The following PHF7 variants were observed in gnomAD, a reference collection of about 807,000 sequenced individuals.
PHF7 encodes the protein PHD finger protein 7.
In PHF7, 24 loss-of-function variants were observed where a neutral mutation model predicts 47.5. That is an observed-to-expected ratio of 0.51 (90% CI 0.37 to 0.71). The LOEUF (loss-of-function observed/expected upper bound fraction) is 0.71. PHF7 is among the 30% of genes least tolerant of loss of function. The probability of loss-of-function intolerance (pLI) is 0.00; values close to 1 mark genes in which losing one functional copy is unlikely to be tolerated. For synonymous variants in PHF7, 156 were observed against 153.8 expected (o/e 1.01, Z -0.11); for missense variants, 361 against 456.8 (o/e 0.79, Z 1.91).
At position 52,412,900 on chromosome 3, in the gene PHF7, G is replaced by C. The variant is rs752452077; in HGVS notation, c.21G>C (p.Lys7Asn). Residue 7 changes from lysine to asparagine, a missense_variant, in exon 2 of 11, where the codon AAG becomes AAC. By Grantham distance (94) the Lys-to-Asn change is moderately conservative (BLOSUM62 0). Transcript: ENST00000327906. MKTVKEKKECQRLRKSA... is the reference protein window; with the variant it reads MKTVKENKECQRLRKSA... ...ACCGAATGAAGACTGTAAAAGAAAA[G>C]AAGGAATGCCAGAGATTGAGGTAGA... 1.2e-6 allele frequency: 2 copies of C among 1,610,626 alleles called. No individual in the cohort carries two copies. The highest frequency in any genetic ancestry group is 1.7e-6 in the Non-Finnish European group (2 of 1,177,400).
chr3:52,420,427 A>G lies in PHF7; in HGVS notation c.405A>G (p.Gly135=). ...QERGCLSQFF[G]EYKSFCDKHR... ...GGGGTTGCCTTTCACAATTTTTTGG[A>G]GAGTACAAGTGAGTGAGGGAAGGGA... Residue 135 remains glycine (G), a synonymous_variant, in exon 6 of 11, where the codon GGA becomes GGG. Coordinates refer to ENST00000327906, the MANE Select transcript of PHF7 (RefSeq NM_016483.7). The G allele has an allele frequency of 1.2e-6, 2 of 1,614,108 alleles. No individual in the cohort carries two copies. Among genetic ancestry groups the G allele is most frequent in the Non-Finnish European group, 1.7e-6 (2 of 1,179,984 alleles).
Position 52,422,895 on chromosome 3 carries a change from G to GA in PHF7, c.919+15dup. ...CTGCAGCCACAGGTGAGGCTGGAGG[G>GA]ATGGGCCGGCCTCAGAGCAAGGAGG... On this transcript the variant is annotated intron_variant, in intron 10 of 10. Coordinates refer to ENST00000327906, the MANE Select transcript of PHF7 (RefSeq NM_016483.7). The GA allele has an allele frequency of 6.2e-7, 1 of 1,614,028 alleles. No homozygotes were observed. Among genetic ancestry groups the GA allele is most frequent in the African/African-American group, 1.3e-5 (1 of 75,044 alleles).
chr3:52,420,223 A>G (rs1260794727), intron 5 of PHF7, 88 bp from the exon 6 acceptor site: 1 of 1,462,544 alleles, frequency 6.8e-7, no homozygotes, highest in Non-Finnish European at 9.6e-7. Context: ...ATTATTTCAC[A>G]AAACTTCCAT....
At position 52,420,994 on chromosome 3, in the gene PHF7, C is replaced by G; in HGVS notation, c.505C>G (p.Gln169Glu). The stretch of plus-strand genomic sequence containing the variant: ...CATCTTATGTTGTGAAGACTTATCC[C>G]AACAGAGTGTTGAGAACATCCAGAG... ...SCILCCEDLS[Q>E]QSVENIQSPC... Residue 169 changes from glutamine to glutamate, a missense_variant, in exon 7 of 11, where the codon CAA becomes GAA. Coordinates refer to ENST00000327906, the MANE Select transcript of PHF7 (RefSeq NM_016483.7). 6.2e-7 allele frequency: 1 copy of G among 1,613,638 alleles called. No individual in the cohort carries two copies. The highest frequency in any genetic ancestry group is 8.5e-7 in the Non-Finnish European group (1 of 1,179,722).
rs948700026 is a variant in PHF7 at position 52,418,572 on chromosome 3, A to G, written c.187-1261A>G. Among the ~76,000 whole-genome samples the G allele has an allele frequency of 8.5e-5, 13 of 152,220 alleles. No homozygotes were observed. In the East Asian group the frequency reaches 2.5e-3, roughly 29 times the overall value. On this transcript the variant is annotated intron_variant, in intron 4 of 10. Coordinates refer to ENST00000327906, the MANE Select transcript of PHF7 (RefSeq NM_016483.7). ...CCCATAATACAGAACAACAACAATC[A>G]AGAGATATTAAAACCCTGTTTTTCT... is the stretch of plus-strand genomic sequence containing the variant.
rs879343587 is a variant in PHF7, at chr3:52,411,259, A to G, written c.-70+12A>G. ...ACTGAAGTTTCAAGGTTTTATGTCTATTGCTGGATGGTCGGGGTAGCCCCA... is the reference window on the plus strand; with the variant it reads ...ACTGAAGTTTCAAGGTTTTATGTCTGTTGCTGGATGGTCGGGGTAGCCCCA... On this transcript the variant is annotated intron_variant, in intron 1 of 10. Transcript: ENST00000327906. The G allele has an allele frequency of 2.6e-5, 4 of 152,248 alleles. No individual in the cohort carries two copies. Among genetic ancestry groups the G allele is most frequent in the Admixed American group, 6.5e-5 (1 of 15,284 alleles). 9.4% of individuals were successfully genotyped at this position (152,248 alleles called of 1,614,324 possible).
At chr3:52,412,391 T>A (rs1659971674) in intron 1 of PHF7, among the ~76,000 whole-genome samples, 1 of 152,230 alleles carries the variant, frequency 6.6e-6, no homozygotes, top group African/African-American at 2.4e-5. Context: ...GAGCCTTTTT[T>A]TCCTGAGTGC....
chr3:52,423,096 A>C lies in PHF7; in HGVS notation c.925A>C (p.Ile309Leu), dbSNP rs752691155. ...ECSPAAATDY[I>L]PENSGDIPCC... ...TCCTGCCTTTCTCTCACCAGACTACATACCTGAAAACTCAGGGGACATCCC... is the reference window on the plus strand; with the variant it reads ...TCCTGCCTTTCTCTCACCAGACTACCTACCTGAAAACTCAGGGGACATCCC... The change falls in exon 11 of 11, where the codon ATA becomes CTA. Residue 309 changes from isoleucine to leucine, a missense_variant. Physicochemically the swap from Ile to Leu is conservative, Grantham distance 5. Transcript: ENST00000327906. 6 of 1,609,260 alleles carry C rather than the reference A, an allele frequency of 3.7e-6. No individual in the cohort carries two copies. Among genetic ancestry groups the C allele is most frequent in the Non-Finnish European group, 5.1e-6 (6 of 1,175,594 alleles).
chr3:52,412,784 C>A, intron 1 of PHF7, 27 bp from the exon 2 acceptor site: 1 of 1,034,166 alleles, frequency 9.7e-7, no homozygotes, highest in Non-Finnish European at 1.5e-6. Context: ...AATTAAATTG[C>A]TTACCAAACC....
intron 2 of PHF7, 79 bp downstream of exon 2, chr3:52,412,999 G>T (rs1559597190): frequency 1.8e-6 from 2 of 1,097,932 alleles, no homozygotes; most frequent in Admixed American, 1.7e-5. Flanking sequence ...TGCCCCCTTT[G>T]TCGTAGTCTT....
In PHF7 at chr3:52,423,374, C is replaced by T. The variant is rs930668578; in HGVS notation, c.*57C>T. ...AGGGTATGAAGCTGCGCTCCTCCAT[C>T]GGGTTTGGGGAGGGAGCACTCTGGG... On this transcript the variant is annotated 3_prime_UTR_variant, in exon 11 of 11. Coordinates refer to ENST00000327906, the MANE Select transcript of PHF7 (RefSeq NM_016483.7). 6 of 1,173,798 alleles carry T rather than the reference C, an allele frequency of 5.1e-6. No homozygotes were observed. The highest frequency in any genetic ancestry group is 3.0e-5 in the African/African-American group (2 of 66,106). 72.7% of individuals were successfully genotyped at this position (1,173,798 alleles called of 1,614,324 possible). A position where few individuals can be genotyped will look rare whatever the true frequency, so the allele number is the denominator to read the frequency against.
Position 52,422,316 on chromosome 3 carries a change from A to C in PHF7, c.775A>C (p.Arg259=), listed in dbSNP as rs762937304. 1 of 1,611,832 alleles carries C rather than the reference A, an allele frequency of 6.2e-7. No individual in the cohort carries two copies. The highest frequency in any genetic ancestry group is 1.1e-5 in the South Asian group (1 of 91,038). The change falls in exon 9 of 11, where the codon AGA becomes CGA. Residue 259 remains arginine, a synonymous_variant. Coordinates refer to ENST00000327906, the MANE Select transcript of PHF7 (RefSeq NM_016483.7). ...CCCCATCTGTCTGTATGAACAAGGCAGAGACAGCTTTGAGGATGAAGGGTA... is the reference window on the plus strand; with the variant it reads ...CCCCATCTGTCTGTATGAACAAGGCCGAGACAGCTTTGAGGATGAAGGGTA... The part of the protein sequence containing the change: ...DAPICLYEQG[R]DSFEDEGRWC...
Position 52,414,047 on chromosome 3 carries a change from T to G in PHF7, c.93T>G (p.Pro31=). 1 of 1,609,270 alleles carries G rather than the reference T, an allele frequency of 6.2e-7. No individual in the cohort carries two copies. The change falls in exon 3 of 11, where the codon CCT becomes CCG. Residue 31 remains proline (P), a splice_region_variant and synonymous_variant. Coordinates refer to ENST00000327906, the MANE Select transcript of PHF7 (RefSeq NM_016483.7). The part of the protein sequence containing the change: ...RVTQRKPSSG[P]VCWLCLREPG... ...CCCAGAGGAAACCGTCTTCAGGGCC[T>G]GGTAAGAAAGACTGGAGCTTGTGTT...
At chr3:52,417,970 G>A (rs1264140125) in intron 4 of PHF7, among the ~76,000 whole-genome samples, 1 of 152,128 alleles carries the variant, frequency 6.6e-6, no homozygotes, top group East Asian at 1.9e-4. Context: ...AGTTTGCCCA[G>A]AGTATCATGA....
At position 52,420,449 on chromosome 3, in the gene PHF7, G is replaced by A. The variant is rs779329725; in HGVS notation, c.413+14G>A. 1 of 1,613,536 alleles carries A rather than the reference G, an allele frequency of 6.2e-7. No homozygotes were observed. Among genetic ancestry groups the A allele is most frequent in the Non-Finnish European group, 8.5e-7 (1 of 1,179,676 alleles). Reference sequence around the variant, plus strand: ...TGGAGAGTACAAGTGAGTGAGGGAAGGGAAAAGTCTGGCTTCCTTTTTGCA... The same window carrying A: ...TGGAGAGTACAAGTGAGTGAGGGAAAGGAAAAGTCTGGCTTCCTTTTTGCA... On this transcript the variant is annotated intron_variant, in intron 6 of 10. Coordinates refer to ENST00000327906, the MANE Select transcript of PHF7 (RefSeq NM_016483.7).
At chr3:52,420,231 C>T (rs1485819766) in intron 5 of PHF7, 80 bp from the exon 6 acceptor site, 10 of 1,485,984 alleles carry the variant, frequency 6.7e-6, no homozygotes, top group African/African-American at 1.4e-5. Flanking sequence ...ACAAAACTTC[C>T]ATTTAATAGA....
Position 52,422,881 on chromosome 3 carries a change from G to A in PHF7, c.919G>A (p.Asp307Asn), listed in dbSNP as rs765305619. 5.6e-6 allele frequency: 9 copies of A among 1,614,154 alleles called. No individual in the cohort carries two copies. The highest frequency in any genetic ancestry group is 2.2e-5 in the East Asian group (1 of 44,884). ...GGAGTGTTCACCTGCTGCAGCCACA[G>A]GTGAGGCTGGAGGGATGGGCCGGCC... ...CEECSPAAAT[D>N]YIPENSGDIP... Residue 307 changes from aspartate (D) to asparagine (N), a missense_variant and splice_region_variant, in exon 10 of 11, where the codon GAC becomes AAC. Transcript: ENST00000327906.
intron 4 of PHF7, among the ~76,000 whole-genome samples, chr3:52,419,017 C>G (rs1239571138): frequency 6.6e-6 from 1 of 152,052 alleles, no homozygotes; most frequent in Non-Finnish European, 1.5e-5. Flanking sequence ...GTTGGCCAGG[C>G]TGGTCTCGAA....
At chr3:52,413,881 T>C (rs1705540034) in intron 2 of PHF7, 115 bp from the exon 3 acceptor site, 1 of 722,418 alleles carries the variant, frequency 1.4e-6, no homozygotes, top group South Asian at 1.6e-5. Context: ...TGTCTTAGGC[T>C]TTAGATATGT....
Sources: gnomAD v4.1 joint callset for allele counts (sites outside exome capture counted in the v4.1 genomes callset) on GRCh38, gnomAD v4.1.1 for gene constraint, MANE v1.5 for transcripts, NCBI Gene and HGNC (gene_info 2026-07-23, HGNC 2026-07-21) for gene names.